Variants in NUP153 observed in about 807,000 individuals in gnomAD.
The protein encoded by NUP153 is nuclear pore complex protein Nup153.
Under a neutral mutation model 134.6 loss-of-function variants are expected in NUP153, and 27 were observed. The ratio of observed to expected loss-of-function variants is 0.20; its 90% confidence interval spans 0.15 to 0.28. The LOEUF (loss-of-function observed/expected upper bound fraction) is 0.28. NUP153 is among the 10% of genes least tolerant of loss of function. The pLI is 1.00. For missense variants in NUP153, 1,821 were observed against 1,731.3 expected (o/e 1.05, Z -0.92); for synonymous variants, 640 against 623.5 (o/e 1.03, Z -0.40).
chr6:17,616,289 G>GGGGGGGGGGGGGGGGGGGCC, intron 21 of NUP153, 108 bp from the exon 22 acceptor site: 1 of 467,364 alleles, frequency 2.1e-6, no homozygotes, highest in East Asian at 4.4e-5. Context: ...GGGTGGGGGG[G>GGGGGGGGGGGGGGGGGGGCC]GAGTAGACTC....
At chr6:17,701,185 G>C (rs1024002619) in intron 1 of NUP153, among the ~76,000 whole-genome samples, 1 of 149,082 alleles carries the variant, frequency 6.7e-6, no homozygotes. Context: ...AGATGGTGCC[G>C]TTGCACTCCA....
intron 8 of NUP153, among the ~76,000 whole-genome samples, chr6:17,665,876 AC>A (rs1487459058): frequency 6.6e-6 from 1 of 151,554 alleles, no homozygotes; most frequent in Non-Finnish European, 1.5e-5. Flanking sequence ...TTTTGTAGAG[AC>A]AGGGTCTCGC....
chr6:17,682,651 G>T (rs1174934338), intron 2 of NUP153, among the ~76,000 whole-genome samples: 1 of 152,028 alleles, frequency 6.6e-6, no homozygotes, highest in Non-Finnish European at 1.5e-5. Flanking sequence ...AGGTGTGGTG[G>T]CTCACACCTG....
At chr6:17,705,206 T>C (rs535670361) in intron 1 of NUP153, among the ~76,000 whole-genome samples, 3 of 152,346 alleles carry the variant, frequency 2.0e-5, no homozygotes, top group East Asian at 1.9e-4. Context: ...ATCCTTTTGC[T>C]ACACTTTTGT....
intron 20 of NUP153, among the ~76,000 whole-genome samples, chr6:17,620,781 A>T (rs948896258): frequency 5.1e-4 from 77 of 152,308 alleles, no homozygotes; most frequent in African/African-American, 1.8e-3. Flanking sequence ...CCTGGAAGCC[A>T]AAAGATAGGA....
chr6:17,671,913 C>A (rs1767937173), intron 5 of NUP153, among the ~76,000 whole-genome samples: 2 of 152,008 alleles, frequency 1.3e-5, no homozygotes, highest in Admixed American at 1.3e-4. Context: ...GAGGCTGAGG[C>A]AGGAAAATTG....
At chr6:17,637,030 T>G in intron 16 of NUP153, 123 bp downstream of exon 16, 1 of 984,550 alleles carries the variant, frequency 1.0e-6, no homozygotes, top group Non-Finnish European at 1.5e-6. Context: ...CAAGATAGTT[T>G]AGAAAAATTA....
chr6:17,704,299 A>C (rs1770327537), intron 1 of NUP153, among the ~76,000 whole-genome samples: 1 of 152,182 alleles, frequency 6.6e-6, no homozygotes, highest in South Asian at 2.1e-4. Flanking sequence ...CTCAAAAAAA[A>C]AAAAAAAAGC....
At chr6:17,645,517 C>T (rs889481709) in intron 14 of NUP153, among the ~76,000 whole-genome samples, 5 of 147,446 alleles carry the variant, frequency 3.4e-5, no homozygotes, top group African/African-American at 7.5e-5. Flanking sequence ...TGCCTAGGAT[C>T]GTCTTGAGCT....
chr6:17,679,366 G>A (rs1157343395), intron 2 of NUP153, among the ~76,000 whole-genome samples: 1 of 152,078 alleles, frequency 6.6e-6, no homozygotes, highest in Non-Finnish European at 1.5e-5. Flanking sequence ...AGTACCGAAA[G>A]AAAGAAAACA....
intron 8 of NUP153, among the ~76,000 whole-genome samples, chr6:17,667,998 T>C (rs1460699853): frequency 1.3e-5 from 2 of 151,672 alleles, no homozygotes; most frequent in African/African-American, 2.4e-5. Context: ...ACAATAGATT[T>C]CACAAAATTT....
intron 14 of NUP153, among the ~76,000 whole-genome samples, chr6:17,645,457 A>ATTTCTTTTTCTTTTTTTTTTTT (rs1256397554): frequency 1.5e-5 from 2 of 136,896 alleles, no homozygotes; most frequent in Non-Finnish European, 3.1e-5. Flanking sequence ...CCACCTGGTT[A>ATTTCTTTTTCTTTTTTTTTTTT]TTTCTTTTTC....
intron 1 of NUP153, among the ~76,000 whole-genome samples, chr6:17,691,733 G>A (rs528052668): frequency 1.3e-5 from 2 of 152,182 alleles, no homozygotes; most frequent in African/African-American, 4.8e-5. Context: ...GTGACACAGC[G>A]AGACTCCAGC....
At position 17,629,334 on chromosome 6, in the gene NUP153, T is replaced by C. The variant is rs1402652722; in HGVS notation, c.2865A>G (p.Pro955=). The part of the protein sequence containing the change: ...PMSEGFKFSK[P]IGDFKFGVSS... ...AAACTCCAAATTTAAAATCTCCTAT[T>C]GGTTTAGAAAATTTAAAGCCTTCAC... Residue 955 remains proline (P), a synonymous_variant, in exon 18 of 22, where the codon CCA becomes CCG. Coordinates refer to ENST00000262077, the MANE Select transcript of NUP153 (RefSeq NM_005124.4). 4.2e-5 allele frequency: 68 copies of C among 1,608,404 alleles called. No individual in the cohort carries two copies. Among genetic ancestry groups the C allele is most frequent in the Non-Finnish European group, 5.7e-5 (67 of 1,178,470 alleles).
chr6:17,652,756 CTCATGG>C (rs1157114181), intron 11 of NUP153, among the ~76,000 whole-genome samples: 2 of 152,132 alleles, frequency 1.3e-5, no homozygotes, highest in African/African-American at 4.8e-5. Flanking sequence ...GGTGCGGTGG[CTCATGG>C]CCTGTAATCC....
intron 14 of NUP153, 56 bp from the exon 15 acceptor site, chr6:17,640,120 A>C (rs1765761500): frequency 7.5e-7 from 1 of 1,325,400 alleles, no homozygotes; most frequent in South Asian, 1.6e-5. Flanking sequence ...GGACTCTCAA[A>C]TGCATTTTTA....
chr6:17,629,565 T>TA, intron 17 of NUP153, 26 bp from the exon 18 acceptor site: 1 of 1,553,522 alleles, frequency 6.4e-7, no homozygotes, highest in Non-Finnish European at 8.6e-7. Flanking sequence ...AGACACCACA[T>TA]AGACACTCAA....
At chr6:17,618,941 G>T (rs1764496502) in intron 20 of NUP153, among the ~76,000 whole-genome samples, 1 of 152,160 alleles carries the variant, frequency 6.6e-6, no homozygotes, top group African/African-American at 2.4e-5. Flanking sequence ...AGGTAAGAAG[G>T]AAAGGAAGGA....
rs9383310 is a variant in NUP153, at chr6:17,683,760, T to C, written c.334+4636A>G. ...TAGCCTATCCTTTGATGCCAGGCAT[T>C]GATGTCTCTTCTCTGGCTATCAAAA... On this transcript the variant is annotated intron_variant, in intron 2 of 21. Coordinates refer to ENST00000262077, the MANE Select transcript of NUP153 (RefSeq NM_005124.4). Among the ~76,000 whole-genome samples, 28 of 152,346 alleles carry C rather than the reference T, an allele frequency of 1.8e-4. 1 individual carries two copies. In the East Asian group the frequency reaches 5.0e-3, roughly 27 times the overall value.
Sources: gnomAD v4.1 joint callset for allele counts (sites outside exome capture counted in the v4.1 genomes callset) on GRCh38, gnomAD v4.1.1 for gene constraint, MANE v1.5 for transcripts, NCBI Gene and HGNC (gene_info 2026-07-23, HGNC 2026-07-21) for gene names.